The following SMG1 variants were observed in gnomAD, a reference collection of about 807,000 sequenced individuals.
The protein encoded by SMG1 is serine/threonine-protein kinase SMG1.
A neutral mutation model predicts 419.9 loss-of-function variants in SMG1; 22 were observed. That is an observed-to-expected ratio of 0.05 (90% CI 0.04 to 0.07). The LOEUF is 0.07. Ranked by LOEUF, SMG1 falls within the 10% of genes least tolerant of loss-of-function variation. The pLI is 1.00. For missense variants in SMG1, 3,185 were observed against 4,342.0 expected, an observed-to-expected ratio of 0.73 and a Z score of 7.49; for synonymous variants, 1,538 against 1,553.5, an observed-to-expected ratio of 0.99 and a Z score of 0.23.
At chr16:18,859,265 A>C (rs577208092) in intron 27 of SMG1, 84 bp from the exon 28 acceptor site, 14 of 1,053,046 alleles carry the variant, frequency 1.3e-5, no homozygotes, top group South Asian at 4.4e-5. Context: ...AGATGCTATC[A>C]AACTGACATC....
Position 18,829,370 on chromosome 16 carries a change from A to C in SMG1, c.9519T>G (p.His3173Gln). The C allele has an allele frequency of 6.2e-7, 1 of 1,614,020 alleles. No homozygotes were observed. Among genetic ancestry groups the C allele is most frequent in the Non-Finnish European group, 8.5e-7 (1 of 1,179,890 alleles). The change falls in exon 54 of 63, where the codon CAT becomes CAG. Residue 3173 changes from histidine to glutamine, a missense_variant. Around this residue, in one of 27 missense-constraint regions of SMG1, gnomAD observed 737 missense variants for 846.6 expected, o/e 0.87. Transcript: ENST00000446231. ...TGGTTTCTAGCCTTCGCACCAAGTC[A>C]TGCTTCTTCCAGGCAGTGTCGTAAG... ...ASSYDTAWKK[H>Q]DLVRRLETSI...
At chr16:18,855,662 GACTTT>G (rs2034858202) in intron 29 of SMG1, among the ~76,000 whole-genome samples, 1 of 152,070 alleles carries the variant, frequency 6.6e-6, no homozygotes, top group African/African-American at 2.4e-5. Flanking sequence ...CACCATCACA[GACTTT>G]ACTTTCAACC....
intron 6 of SMG1, among the ~76,000 whole-genome samples, chr16:18,886,928 T>C (rs975153175): frequency 6.6e-6 from 1 of 152,180 alleles, no homozygotes; most frequent in Non-Finnish European, 1.5e-5. Context: ...AATTTGAATA[T>C]AGAACACATA....
At chr16:18,831,563 C>G (rs2141220949) in intron 51 of SMG1, among the ~76,000 whole-genome samples, 1 of 152,042 alleles carries the variant, frequency 6.6e-6, no homozygotes, top group South Asian at 2.1e-4. Flanking sequence ...TAAAGCTGTT[C>G]TATAAATAAT....
At position 18,834,431 on chromosome 16, in the gene SMG1, G is replaced by C. The variant is rs754438444; in HGVS notation, c.8338C>G (p.Leu2780Val). ...SALCTLTRRNLMMEGAASSAG... is the reference protein window; with the variant it reads ...SALCTLTRRNVMMEGAASSAG... ...CTTGACGCTGCACCTTCCATCATCA[G>C]GTTACGCCTACAAGAGATAAATATC... Residue 2780 changes from leucine to valine, a missense_variant, in exon 50 of 63, where the codon CTG (leucine) becomes GTG (valine). Physicochemically the swap from Leu to Val is conservative, Grantham distance 32. Coordinates refer to ENST00000446231, the MANE Select transcript of SMG1 (RefSeq NM_015092.5). The C allele has an allele frequency of 1.9e-6, 3 of 1,613,204 alleles. No individual in the cohort carries two copies. The highest frequency in any genetic ancestry group is 3.3e-5 in the Admixed American group (2 of 59,912).
chr16:18,924,255 A>G (rs1459053610), intron 1 of SMG1, among the ~76,000 whole-genome samples: 2 of 152,194 alleles, frequency 1.3e-5, no homozygotes, highest in African/African-American at 4.8e-5. Flanking sequence ...TACATATTCC[A>G]TAACTACATA....
chr16:18,818,157 C>T (rs541642082), intron 56 of SMG1, among the ~76,000 whole-genome samples: 1 of 151,772 alleles, frequency 6.6e-6, no homozygotes, highest in South Asian at 2.1e-4. Flanking sequence ...CTGAGGCCAG[C>T]GGATCACCTG....
At chr16:18,872,727 A>C in intron 13 of SMG1, 103 bp from the exon 14 acceptor site, 3 of 1,055,474 alleles carry the variant, frequency 2.8e-6, no homozygotes, top group Non-Finnish European at 4.0e-6. Context: ...TTTTTAAATT[A>C]AAATTACAGA....
chr16:18,829,654 C>T lies in SMG1; in HGVS notation c.9235G>A (p.Ala3079Thr), dbSNP rs1333565745. 6.2e-7 allele frequency: 1 copy of T among 1,613,964 alleles called. No individual in the cohort carries two copies. Among genetic ancestry groups the T allele is most frequent in the Non-Finnish European group, 8.5e-7 (1 of 1,179,890 alleles). ...RNSCFSEDQM[A>T]KPIKAFTADF... ...GCTGTGAATGCCTTGATAGGTTTGG[C>T]CATTTGGTCTTCACTGAAACAAGAG... Residue 3079 changes from alanine (A) to threonine (T), a missense_variant, in exon 54 of 63, where the codon GCC (alanine) becomes ACC (threonine). Physicochemically the swap from Ala to Thr is moderately conservative, Grantham distance 58. Around this residue, in one of 27 missense-constraint regions of SMG1, gnomAD observed 737 missense variants for 846.6 expected, o/e 0.87. Coordinates refer to ENST00000446231, the MANE Select transcript of SMG1 (RefSeq NM_015092.5).
At position 18,882,040 on chromosome 16, in the gene SMG1, A is replaced by AT. The variant is rs2036422304; in HGVS notation, c.1293+124dup. 7 of 526,742 alleles carry AT rather than the reference A, an allele frequency of 1.3e-5. No individual in the cohort carries two copies. The East Asian group carries it at 2.4e-4, about 18-fold the overall frequency. The allele number at this position is 526,742 out of a possible 1,614,324, so 32.6% of individuals were successfully genotyped here. ...AAACAGTCAGACAATATATACATAT[A>AT]TACATACATACATACATGCTAAACA... On this transcript the variant is annotated intron_variant, in intron 10 of 62. Transcript: ENST00000446231.
intron 15 of SMG1, 53 bp from the exon 16 acceptor site, chr16:18,871,535 A>G: frequency 1.0e-5 from 9 of 875,210 alleles, no homozygotes; most frequent in Non-Finnish European, 1.5e-5. Flanking sequence ...AAAAACCAAA[A>G]AACATTAAAA....
rs879627691 is a variant in SMG1, at chr16:18,859,669, C to T, written c.3840G>A (p.Pro1280=). ...TGGATTTCTGAAGTTCCCTCGGATC[C>T]GGACTTAACATGTTAGGAAGCAGTT... ...MKKLLPNMLS[P]DPRELQKSIE... is the part of the protein sequence containing the mutation. The change falls in exon 27 of 63, where the codon CCG becomes CCA. Residue 1280 remains proline, a synonymous_variant. Transcript: ENST00000446231. The T allele has an allele frequency of 4.3e-6, 7 of 1,611,788 alleles. No homozygotes were observed. The highest frequency in any genetic ancestry group is 1.3e-5 in the African/African-American group (1 of 74,930).
intron 58 of SMG1, chr16:18,815,969 T>G: frequency 2.2e-6 from 1 of 451,174 alleles, no homozygotes; most frequent in East Asian, 4.2e-5. Context: ...GGAGGCAAAC[T>G]GTATGGGTTT....
chr16:18,889,787 T>C (rs1316829221), intron 5 of SMG1, among the ~76,000 whole-genome samples: 2 of 152,236 alleles, frequency 1.3e-5, no homozygotes, highest in African/African-American at 4.8e-5. Context: ...TGTCTGATAT[T>C]ACTTTCTTTT....
chr16:18,900,724 C>T (rs867153437), intron 1 of SMG1, among the ~76,000 whole-genome samples: 19 of 152,220 alleles, frequency 1.2e-4, no homozygotes, highest in African/African-American at 4.6e-4. Context: ...GCACTAAAGC[C>T]AATGAAGTAG....
intron 30 of SMG1, 43 bp downstream of exon 30, chr16:18,854,613 T>C (rs17731755): frequency 0.067 from 102,282 of 1,532,150 alleles, 3,824 homozygotes; most frequent in Non-Finnish European, 0.075. Flanking sequence ...ATATACATGA[T>C]TTTTATTATA....
rs1217132038 is a variant in SMG1 at position 18,806,180 on chromosome 16, C to T, written c.*3389G>A. 6.6e-6 allele frequency: 1 copy of T among 152,542 alleles called. No individual in the cohort carries two copies. Among genetic ancestry groups the T allele is most frequent in the African/African-American group, 2.4e-5 (1 of 41,418 alleles). 9.4% of individuals were successfully genotyped at this position (152,542 alleles called of 1,614,324 possible). On this transcript the variant is annotated 3_prime_UTR_variant, in exon 63 of 63. Transcript: ENST00000446231. Reference sequence around the variant, plus strand: ...AAAAAATGGCTCTTTCCTTAAATTTCACACGTCAGAACAACCACAATTAAA... The same window carrying T: ...AAAAAATGGCTCTTTCCTTAAATTTTACACGTCAGAACAACCACAATTAAA...
In SMG1 at chr16:18,829,990, T is replaced by C; in HGVS notation, c.9069A>G (p.Leu3023=). ...HRQVLEEIFF[L]KRLQTIKEFF... is the part of the protein sequence containing the mutation. Reference sequence around the variant, plus strand: ...ACTCCTTAATAGTCTGTAGTCTTTTTAGAAAGAAAATCTCTTCTAGCACCT... The same window carrying C: ...ACTCCTTAATAGTCTGTAGTCTTTTCAGAAAGAAAATCTCTTCTAGCACCT... Residue 3023 remains leucine, a synonymous_variant, in exon 53 of 63, where the codon CTA becomes CTG. Coordinates refer to ENST00000446231, the MANE Select transcript of SMG1 (RefSeq NM_015092.5). 1.9e-6 allele frequency: 3 copies of C among 1,590,818 alleles called. No homozygotes were observed. The highest frequency in any genetic ancestry group is 2.6e-6 in the Non-Finnish European group (3 of 1,168,200).
At position 18,869,025 on chromosome 16, in the gene SMG1, C is replaced by T; in HGVS notation, c.2833+79G>A. The stretch of plus-strand genomic sequence containing the variant: ...TCAAAAAAATCATATACTCTCAAAT[C>T]TTTAACAAAGATTTAAGAATCCAGT... On this transcript the variant is annotated intron_variant, in intron 20 of 62. Coordinates refer to ENST00000446231, the MANE Select transcript of SMG1 (RefSeq NM_015092.5). 2.3e-6 allele frequency: 3 copies of T among 1,311,956 alleles called. No individual in the cohort carries two copies. In the East Asian group the frequency reaches 7.0e-5, roughly 30 times the overall value. The allele number at this position is 1,311,956 out of a possible 1,614,324, so 81.3% of individuals were successfully genotyped here. A position where few individuals can be genotyped will look rare whatever the true frequency, so the allele number is the denominator to read the frequency against.
Sources: gnomAD v4.1 joint callset for allele counts (sites outside exome capture counted in the v4.1 genomes callset) on GRCh38, gnomAD v4.1.1 for gene constraint, gnomAD v4.1.1 regional missense constraint, MANE v1.5 for transcripts, NCBI Gene and HGNC (gene_info 2026-07-23, HGNC 2026-07-21) for gene names.